The following CSMD1 variants were observed in gnomAD, a reference collection of about 807,000 sequenced individuals.
CSMD1 encodes CUB and sushi domain-containing protein 1.
In CSMD1, 213 loss-of-function variants were observed where a neutral mutation model predicts 417.5. That is an observed-to-expected ratio of 0.51 (90% CI 0.46 to 0.57). The LOEUF is 0.57. Ranked by LOEUF, CSMD1 falls within the 20% of genes least tolerant of loss-of-function variation. The pLI, the probability that CSMD1 is intolerant of heterozygous loss-of-function variation, is 0.00. For synonymous variants in CSMD1, 2,862 were observed against 1,736.8 expected (o/e 1.65, Z -16.11); for missense variants, 6,923 against 4,529.7 (o/e 1.53, Z -15.17).
intron 21 of CSMD1, among the ~76,000 whole-genome samples, chr8:3,356,664 A>G (rs897418378): frequency 2.6e-5 from 4 of 152,114 alleles, no homozygotes; most frequent in South Asian, 4.2e-4. Flanking sequence ...GACAAGAACA[A>G]AACTCCATCT....
At chr8:3,264,901 C>T (rs142161348) in intron 26 of CSMD1, among the ~76,000 whole-genome samples, 1 of 151,956 alleles carries the variant, frequency 6.6e-6, no homozygotes, top group Non-Finnish European at 1.5e-5. Flanking sequence ...TTTTCTTGTA[C>T]TCAGTGTCAG....
chr8:3,180,534 T>A (rs2129047323), intron 37 of CSMD1, among the ~76,000 whole-genome samples: 1 of 152,342 alleles, frequency 6.6e-6, no homozygotes, highest in Non-Finnish European at 1.5e-5. Flanking sequence ...TTGTGCTTTT[T>A]AATACAAACA....
rs971670339 is a variant in CSMD1 at position 3,971,569 on chromosome 8, A to G, written c.818+26334T>C. ...AAAGTCAATGAAAAATTAAAAAATT[A>G]ATACCATAATTTTGTAGAATATGTT... On this transcript the variant is annotated intron_variant, in intron 5 of 69. Coordinates refer to ENST00000635120, the MANE Select transcript of CSMD1 (RefSeq NM_033225.6). 2.5e-4 allele frequency among the ~76,000 whole-genome samples: 38 copies of G among 152,314 alleles called. No individual in the cohort carries two copies. The South Asian group carries it at 4.1e-3, about 17-fold the overall frequency.
intron 3 of CSMD1, among the ~76,000 whole-genome samples, chr8:4,297,412 T>C (rs550169270): frequency 6.6e-6 from 1 of 152,072 alleles, no homozygotes; most frequent in Non-Finnish European, 1.5e-5. Flanking sequence ...GACTAAGAAG[T>C]GAATGTTAAA....
At chr8:3,375,374 G>C (rs891128902) in intron 18 of CSMD1, 1 of 152,036 alleles carries the variant, frequency 6.6e-6, no homozygotes, top group African/African-American at 2.4e-5. Context: ...ACAGCCTTGG[G>C]CCTGATCTGT....
intron 5 of CSMD1, among the ~76,000 whole-genome samples, chr8:3,759,282 A>T (rs1389899620): frequency 6.6e-6 from 1 of 152,192 alleles, no homozygotes; most frequent in Non-Finnish European, 1.5e-5. Context: ...ACGGCCTGTT[A>T]ATCAGAATGA....
intron 5 of CSMD1, among the ~76,000 whole-genome samples, chr8:3,777,766 CAG>C (rs1798969984): frequency 1.1e-5 from 1 of 93,058 alleles, no homozygotes; most frequent in Non-Finnish European, 2.2e-5. Context: ...TGCAGAGTCT[CAG>C]TTCCCACTCC....
chr8:4,346,950 G>C (rs1374057688), intron 3 of CSMD1, among the ~76,000 whole-genome samples: 2 of 152,216 alleles, frequency 1.3e-5, no homozygotes, highest in East Asian at 1.9e-4. Flanking sequence ...AGTTTAGTTA[G>C]GTAACATTCA....
chr8:4,176,644 A>G (rs925855236), intron 3 of CSMD1, among the ~76,000 whole-genome samples: 1 of 151,778 alleles, frequency 6.6e-6, no homozygotes, highest in Non-Finnish European at 1.5e-5. Flanking sequence ...CAAATTGGAT[A>G]AAGAGTCAAG....
intron 2 of CSMD1, among the ~76,000 whole-genome samples, chr8:4,543,326 C>G (rs962101160): frequency 6.6e-6 from 1 of 152,128 alleles, no homozygotes. Context: ...CCCCTGGCAA[C>G]CACCCATCCT....
chr8:4,421,025 T>C (rs888973490), intron 2 of CSMD1, among the ~76,000 whole-genome samples: 1 of 152,152 alleles, frequency 6.6e-6, no homozygotes, highest in African/African-American at 2.4e-5. Flanking sequence ...TGCTTTTATT[T>C]TTTAATTCAG....
At chr8:4,717,853 A>G (rs1434362437) in intron 1 of CSMD1, among the ~76,000 whole-genome samples, 2 of 152,246 alleles carry the variant, frequency 1.3e-5, no homozygotes, top group African/African-American at 4.8e-5. Context: ...ATTAAGTCCA[A>G]GAATATTTAA....
At chr8:4,854,303 G>C (rs1801661047) in intron 1 of CSMD1, among the ~76,000 whole-genome samples, 1 of 152,098 alleles carries the variant, frequency 6.6e-6, no homozygotes, top group South Asian at 2.1e-4. Context: ...GGAGGTGTTG[G>C]GTTGCCGAGG....
chr8:3,640,371 C>T (rs1797248581), intron 7 of CSMD1, among the ~76,000 whole-genome samples: 1 of 152,154 alleles, frequency 6.6e-6, no homozygotes, highest in Non-Finnish European at 1.5e-5. Context: ...AAGGCATTGT[C>T]AAATATTCAA....
At chr8:3,560,021 T>C (rs1379348531) in intron 10 of CSMD1, among the ~76,000 whole-genome samples, 1 of 152,114 alleles carries the variant, frequency 6.6e-6, no homozygotes, top group Non-Finnish European at 1.5e-5. Context: ...GTAAGGGATT[T>C]AGTGTGGAGG....
chr8:3,555,078 G>A lies in CSMD1; in HGVS notation c.1344+19867C>T, dbSNP rs373951387. Among the ~76,000 whole-genome samples, 4 of 152,138 alleles carry A rather than the reference G, an allele frequency of 2.6e-5. No individual in the cohort carries two copies. The East Asian group carries it at 7.8e-4, about 30-fold the overall frequency. On this transcript the variant is annotated intron_variant, in intron 10 of 69. Coordinates refer to ENST00000635120, the MANE Select transcript of CSMD1 (RefSeq NM_033225.6). ...AGGCTAAGGAGCCAGGAGAGCCCTC[G>A]GCAAGTGCAGCCGTAGGACCCGTGA... is the stretch of plus-strand genomic sequence containing the variant.
chr8:4,526,960 C>T (rs1287521577), intron 2 of CSMD1, among the ~76,000 whole-genome samples: 1 of 152,106 alleles, frequency 6.6e-6, no homozygotes, highest in Admixed American at 6.5e-5. Context: ...GCTTCTAACC[C>T]AACTGTAGAT....
intron 7 of CSMD1, among the ~76,000 whole-genome samples, chr8:3,653,505 C>A (rs1458191782): frequency 6.6e-6 from 1 of 152,136 alleles, no homozygotes; most frequent in Non-Finnish European, 1.5e-5. Context: ...GATAGGGTTT[C>A]ACCATGTTGG....
At chr8:3,385,717 T>A (rs1364704603) in intron 18 of CSMD1, among the ~76,000 whole-genome samples, 1 of 152,184 alleles carries the variant, frequency 6.6e-6, no homozygotes, top group Non-Finnish European at 1.5e-5. Context: ...AAATATTTAT[T>A]TTAGAGTTTA....
Sources: gnomAD v4.1 joint callset for allele counts (sites outside exome capture counted in the v4.1 genomes callset) on GRCh38, gnomAD v4.1.1 for gene constraint, MANE v1.5 for transcripts, NCBI Gene and HGNC (gene_info 2026-07-23, HGNC 2026-07-21) for gene names.